TSC22D1: variants seen among roughly 807,000 people sequenced by gnomAD.
The protein encoded by TSC22D1 is TSC22 domain family member 1, also known as TSC22 domain family protein 1.
TSC22D1 carries 9 observed loss-of-function variants against 74.2 expected under a neutral mutation model. That is an observed-to-expected ratio of 0.12 (90% CI 0.07 to 0.21). TSC22D1 has a LOEUF of 0.21. Among genes scored for constraint, TSC22D1 ranks in the 10% least tolerant of loss-of-function variants. The pLI, the probability that TSC22D1 is intolerant of heterozygous loss-of-function variation, is 1.00. For synonymous variants in TSC22D1, 586 were observed against 492.5 expected (o/e 1.19, Z -2.51); for missense variants, 1,427 against 1,304.7 (o/e 1.09, Z -1.44).
In TSC22D1 at chr13:44,433,081, T is replaced by A. The variant is rs1013145320; in HGVS notation, c.*1545A>T. 1 of 152,202 alleles carries A rather than the reference T, an allele frequency of 6.6e-6. No individual in the cohort carries two copies. Among genetic ancestry groups the A allele is most frequent in the African/African-American group, 2.4e-5 (1 of 41,440 alleles). 9.4% of individuals were successfully genotyped at this position (152,202 alleles called of 1,614,324 possible). A position where few individuals can be genotyped will look rare whatever the true frequency, so the allele number is the denominator to read the frequency against. Reference sequence around the variant, plus strand: ...ACATCCCAACCCAGGGTGACAGGGTTCTTAAAGTGGAAATCAGCTTCTCCA... The same window carrying A: ...ACATCCCAACCCAGGGTGACAGGGTACTTAAAGTGGAAATCAGCTTCTCCA... On this transcript the variant is annotated 3_prime_UTR_variant, in exon 3 of 3. Coordinates refer to ENST00000458659, the MANE Select transcript of TSC22D1 (RefSeq NM_183422.4).
chr13:44,494,487 G>T (rs1337146197), intron 1 of TSC22D1, among the ~76,000 whole-genome samples: 1 of 150,576 alleles, frequency 6.6e-6, no homozygotes, highest in Non-Finnish European at 1.5e-5. Flanking sequence ...GAGCCTGGGA[G>T]GTCAAGGCTG....
chr13:44,503,835 C>A (rs1879321632), intron 1 of TSC22D1, among the ~76,000 whole-genome samples: 2 of 151,910 alleles, frequency 1.3e-5, no homozygotes, highest in African/African-American at 4.8e-5. Flanking sequence ...TTTATAATTT[C>A]TTGAATATAT....
At chr13:44,551,389 G>GT (rs1555272494) in intron 1 of TSC22D1, among the ~76,000 whole-genome samples, 3 of 125,252 alleles carry the variant, frequency 2.4e-5, no homozygotes, top group East Asian at 4.8e-4. Context: ...CAATCAGATG[G>GT]GTGTGTGTGT....
intron 1 of TSC22D1, among the ~76,000 whole-genome samples, chr13:44,551,310 G>GGGGTGTGTGTGTGTGTGTGT (rs1555272439): frequency 1.5e-5 from 2 of 132,776 alleles, no homozygotes; most frequent in Admixed American, 1.5e-4. Context: ...ATCAGCTGGG[G>GGGGTGTGTGTGTGTGTGTGT]GTGTGTGTGT....
intron 1 of TSC22D1, among the ~76,000 whole-genome samples, chr13:44,567,630 AT>A (rs1311860371): frequency 6.6e-6 from 1 of 152,040 alleles, no homozygotes; most frequent in Admixed American, 6.5e-5. Flanking sequence ...TGGAATTTAA[AT>A]ATGTGATAAG....
Position 44,433,707 on chromosome 13 carries a change from C to T in TSC22D1, c.*919G>A. ...AGAACTGAGCATTTTTCAAAGTATT[C>T]AACCAGCTCAATTGAAAGACTTCAG... On this transcript the variant is annotated 3_prime_UTR_variant, in exon 3 of 3. Coordinates refer to ENST00000458659, the MANE Select transcript of TSC22D1 (RefSeq NM_183422.4). The T allele has an allele frequency of 2.3e-6, 1 of 431,940 alleles. No individual in the cohort carries two copies. The highest frequency in any genetic ancestry group is 4.8e-5 in the East Asian group (1 of 20,942). The allele number at this position is 431,940 out of a possible 1,614,324, so 26.8% of individuals were successfully genotyped here.
At chr13:44,539,566 G>A (rs1881344811) in intron 1 of TSC22D1, 3 of 985,230 alleles carry the variant, frequency 3.0e-6, no homozygotes, top group Non-Finnish European at 3.6e-6. Flanking sequence ...ATCATCCACT[G>A]CTTTAATTAT....
chr13:44,554,593 T>C (rs1023257036), intron 1 of TSC22D1, among the ~76,000 whole-genome samples: 1 of 133,380 alleles, frequency 7.5e-6, no homozygotes, highest in Admixed American at 8.2e-5. Context: ...ATTGAATGAG[T>C]ATTTTTGAAG....
chr13:44,496,777 A>G (rs923311795), intron 1 of TSC22D1, among the ~76,000 whole-genome samples: 14 of 152,024 alleles, frequency 9.2e-5, no homozygotes, highest in Non-Finnish European at 4.4e-5. Context: ...AGATAGGGGG[A>G]TCGCTTGAGC....
intron 1 of TSC22D1, among the ~76,000 whole-genome samples, chr13:44,439,232 A>G (rs947162001): frequency 6.6e-6 from 1 of 152,246 alleles, no homozygotes; most frequent in Non-Finnish European, 1.5e-5. Context: ...ACATCCTTCT[A>G]CATACATCCT....
At chr13:44,508,733 C>T (rs1349544078) in intron 1 of TSC22D1, among the ~76,000 whole-genome samples, 1 of 152,138 alleles carries the variant, frequency 6.6e-6, no homozygotes, top group East Asian at 1.9e-4. Flanking sequence ...TCTGCAGCTT[C>T]ATCTCACACC....
At chr13:44,528,021 T>A (rs1224823299) in intron 1 of TSC22D1, among the ~76,000 whole-genome samples, 1 of 152,082 alleles carries the variant, frequency 6.6e-6, no homozygotes, top group Non-Finnish European at 1.5e-5. Context: ...TGTATGTGCC[T>A]AGCAATAGAG....
At chr13:44,459,621 C>T (rs1327924126) in intron 1 of TSC22D1, among the ~76,000 whole-genome samples, 1 of 152,192 alleles carries the variant, frequency 6.6e-6, no homozygotes, top group South Asian at 2.1e-4. Flanking sequence ...AGAAGAGCTG[C>T]AGCCCTTCAG....
chr13:44,503,893 A>C (rs1879324208), intron 1 of TSC22D1, among the ~76,000 whole-genome samples: 1 of 152,048 alleles, frequency 6.6e-6, no homozygotes, highest in South Asian at 2.1e-4. Flanking sequence ...TTAATATTAA[A>C]AAATATTTTA....
Position 44,434,617 on chromosome 13 carries a change from C to A in TSC22D1, c.*9G>T. On this transcript the variant is annotated 3_prime_UTR_variant, in exon 3 of 3. Transcript: ENST00000458659. ...CACGCAGCAGCCAGTTCTGCGGGGG[C>A]ATAGGCAGCTATGCGGTTGGTCCTG... 6.6e-7 allele frequency: 1 copy of A among 1,520,184 alleles called. No homozygotes were observed. Among genetic ancestry groups the A allele is most frequent in the Non-Finnish European group, 8.8e-7 (1 of 1,137,216 alleles). The allele number at this position is 1,520,184 out of a possible 1,614,324, so 94.2% of individuals were successfully genotyped here. A position where few individuals can be genotyped will look rare whatever the true frequency, so the allele number is the denominator to read the frequency against.
intron 1 of TSC22D1, among the ~76,000 whole-genome samples, chr13:44,456,235 C>G (rs567412775): frequency 6.6e-6 from 1 of 152,186 alleles, no homozygotes; most frequent in Admixed American, 6.5e-5. Flanking sequence ...GCTTCCACGG[C>G]GGAGAAGAAG....
intron 1 of TSC22D1, among the ~76,000 whole-genome samples, chr13:44,570,446 C>T (rs1883682997): frequency 6.6e-6 from 1 of 152,124 alleles, no homozygotes; most frequent in African/African-American, 2.4e-5. Flanking sequence ...CCCACCTCAG[C>T]CTCCCAAAGT....
At chr13:44,558,528 T>A (rs1343128494) in intron 1 of TSC22D1, among the ~76,000 whole-genome samples, 2 of 151,976 alleles carry the variant, frequency 1.3e-5, no homozygotes, top group East Asian at 3.9e-4. Context: ...CAGTCTGAGC[T>A]CAGAAGTTCA....
At chr13:44,513,718 T>C (rs1193291351) in intron 1 of TSC22D1, among the ~76,000 whole-genome samples, 1 of 152,216 alleles carries the variant, frequency 6.6e-6, no homozygotes, top group Non-Finnish European at 1.5e-5. Flanking sequence ...CATATCCAAC[T>C]ACAGTCACCA....
Sources: allele counts gnomAD v4.1 joint callset (sites outside exome capture counted in the v4.1 genomes callset), GRCh38; gene constraint gnomAD v4.1.1; transcripts MANE v1.5; gene names NCBI Gene and HGNC (gene_info 2026-07-23, HGNC 2026-07-21).